PACRG: variants seen among roughly 807,000 people sequenced by gnomAD.
The protein encoded by PACRG is parkin coregulated gene protein.
Under a neutral mutation model 29.7 loss-of-function variants are expected in PACRG, and 29 were observed. The observed-to-expected ratio is 0.98, with a 90% confidence interval of 0.73 to 1.33. The LOEUF is 1.33. Ranked by LOEUF, PACRG falls within the 40% of genes most tolerant of loss-of-function variation. PACRG has a pLI of 0.00. For missense variants in PACRG, 279 were observed against 316.2 expected, an observed-to-expected ratio of 0.88 and a Z score of 0.89; for synonymous variants, 116 against 118.7, an observed-to-expected ratio of 0.98 and a Z score of 0.15.
chr6:162,925,467 C>T (rs1319396261), intron 2 of PACRG, among the ~76,000 whole-genome samples: 3 of 152,080 alleles, frequency 2.0e-5, no homozygotes, highest in Admixed American at 1.3e-4. Flanking sequence ...TTATCTACCA[C>T]GATCAAGTGA....
At chr6:163,248,005 C>T (rs1469891750) in intron 4 of PACRG, among the ~76,000 whole-genome samples, 1 of 152,190 alleles carries the variant, frequency 6.6e-6, no homozygotes, top group African/African-American at 2.4e-5. Flanking sequence ...TCCAGCAACA[C>T]CACAGACTTC....
intron 1 of PACRG, among the ~76,000 whole-genome samples, chr6:162,734,975 T>G (rs1365202050): frequency 1.3e-5 from 2 of 152,228 alleles, no homozygotes; most frequent in African/African-American, 4.8e-5. Context: ...CTTCTATACA[T>G]GGAATCATAA....
chr6:163,057,684 G>T (rs143341092), intron 2 of PACRG, among the ~76,000 whole-genome samples: 74 of 152,276 alleles, frequency 4.9e-4, no homozygotes, highest in African/African-American at 1.6e-3. Context: ...TGTGGATTCT[G>T]CTTTTTAAAA....
intron 3 of PACRG, among the ~76,000 whole-genome samples, chr6:163,064,132 T>C (rs1425620057): frequency 1.3e-5 from 2 of 151,928 alleles, no homozygotes; most frequent in Non-Finnish European, 2.9e-5. Flanking sequence ...CACTGCCTTC[T>C]CAGGGGTCTC....
intron 4 of PACRG, chr6:163,166,357 C>T (rs1346192240): frequency 1.9e-5 from 7 of 365,146 alleles, no homozygotes; most frequent in Non-Finnish European, 3.3e-5. Flanking sequence ...TATATTGATA[C>T]CCCAAGAACT....
At chr6:162,957,377 TG>T in intron 2 of PACRG, 1 of 620,876 alleles carries the variant, frequency 1.6e-6, no homozygotes, top group South Asian at 1.9e-5. Flanking sequence ...TTTTTTGTTT[TG>T]GACAATCTCA....
intron 1 of PACRG, among the ~76,000 whole-genome samples, chr6:162,770,646 C>T (rs1315987054): frequency 6.6e-6 from 1 of 152,154 alleles, no homozygotes; most frequent in Non-Finnish European, 1.5e-5. Context: ...TATACACCTG[C>T]ATTTTCATTG....
chr6:162,756,041 G>A (rs908920804), intron 1 of PACRG, among the ~76,000 whole-genome samples: 5 of 151,928 alleles, frequency 3.3e-5, no homozygotes, highest in African/African-American at 9.7e-5. Flanking sequence ...TCTTAAATTT[G>A]TTAAGTTTGG....
intron 2 of PACRG, among the ~76,000 whole-genome samples, chr6:163,037,980 A>C (rs147622547): frequency 6.6e-6 from 1 of 152,252 alleles, no homozygotes; most frequent in Non-Finnish European, 1.5e-5. Context: ...TAATGCTTTT[A>C]TAGTAAAGTG....
At chr6:163,014,868 A>T (rs2128214867) in intron 2 of PACRG, among the ~76,000 whole-genome samples, 1 of 152,072 alleles carries the variant, frequency 6.6e-6, no homozygotes, top group East Asian at 1.9e-4. Context: ...TCCATTTGTC[A>T]GTTTTTGTTT....
intron 4 of PACRG, among the ~76,000 whole-genome samples, chr6:163,172,190 A>G (rs1341717960): frequency 6.6e-6 from 1 of 152,182 alleles, no homozygotes; most frequent in Non-Finnish European, 1.5e-5. Context: ...AAAACCTGCA[A>G]ATTGCTTTTT....
intron 1 of PACRG, among the ~76,000 whole-genome samples, chr6:162,797,124 A>G (rs1442740330): frequency 1.3e-5 from 2 of 152,178 alleles, no homozygotes. Flanking sequence ...TAAAAATACA[A>G]AAATTAACCA....
At chr6:162,788,097 G>A (rs192677260) in intron 1 of PACRG, among the ~76,000 whole-genome samples, 6 of 152,078 alleles carry the variant, frequency 3.9e-5, no homozygotes, top group Admixed American at 6.5e-5. Flanking sequence ...GATAAATAAC[G>A]ACATTTTCCA....
chr6:163,189,169 G>T (rs1369163127), intron 4 of PACRG, among the ~76,000 whole-genome samples: 1 of 152,214 alleles, frequency 6.6e-6, no homozygotes, highest in African/African-American at 2.4e-5. Context: ...ATCAAAGCAG[G>T]CATCATCTGT....
chr6:162,834,771 T>C (rs1379994421), intron 2 of PACRG, among the ~76,000 whole-genome samples: 1 of 152,010 alleles, frequency 6.6e-6, no homozygotes, highest in Non-Finnish European at 1.5e-5. Flanking sequence ...TGTATGTTAC[T>C]TTGATGTAAT....
chr6:162,822,674 TA>T (rs895033553), intron 2 of PACRG, among the ~76,000 whole-genome samples: 186 of 151,898 alleles, frequency 1.2e-3, no homozygotes, highest in African/African-American at 4.1e-3. Context: ...TTTAAGCACT[TA>T]AAAAAAACAG....
intron 4 of PACRG, among the ~76,000 whole-genome samples, chr6:163,237,139 A>G (rs771632905): frequency 3.6e-4 from 55 of 152,130 alleles, no homozygotes; most frequent in Non-Finnish European, 4.3e-4. Flanking sequence ...GAGATACGTA[A>G]TGTGTAGATA....
intron 4 of PACRG, among the ~76,000 whole-genome samples, chr6:163,282,359 C>G (rs373741736): frequency 1.3e-5 from 2 of 152,270 alleles, no homozygotes; most frequent in African/African-American, 4.8e-5. Flanking sequence ...AAGCTACCTC[C>G]TGTGTCTCCA....
intron 2 of PACRG, among the ~76,000 whole-genome samples, chr6:162,952,710 T>C (rs1799742951): frequency 6.6e-6 from 1 of 152,154 alleles, no homozygotes; most frequent in East Asian, 1.9e-4. Context: ...GAGGGCTCAG[T>C]TACACGAAAG....
Sources: allele counts gnomAD v4.1 joint callset (sites outside exome capture counted in the v4.1 genomes callset), GRCh38; gene constraint gnomAD v4.1.1; transcripts MANE v1.5; gene names NCBI Gene and HGNC (gene_info 2026-07-23, HGNC 2026-07-21).